The following TMPRSS6 variants were observed in gnomAD, a reference collection of about 807,000 sequenced individuals.
TMPRSS6 encodes transmembrane serine protease 6.
TMPRSS6 carries 67 observed loss-of-function variants against 101.5 expected under a neutral mutation model. The ratio of observed to expected loss-of-function variants is 0.66; its 90% CI spans 0.54 to 0.81. The LOEUF is 0.81. Among genes scored for constraint, TMPRSS6 ranks in the 30% least tolerant of loss-of-function variants. TMPRSS6 has a pLI of 0.00. For missense variants in TMPRSS6, 1,034 were observed against 1,088.7 expected, an observed-to-expected ratio of 0.95 and a Z score of 0.71; for synonymous variants, 453 against 464.9, an observed-to-expected ratio of 0.97 and a Z score of 0.33.
At position 37,108,092 on chromosome 22, in the gene TMPRSS6, C is replaced by T. The variant is rs138248989; in HGVS notation, c.-2+1411G>A. 1.9e-3 allele frequency among the ~76,000 whole-genome samples: 287 copies of T among 152,290 alleles called. 1 individual carries two copies. Among genetic ancestry groups the T allele is most frequent in the South Asian group, 0.011 (55 of 4,822 alleles). ...TTTTCCCACCCTCTCTTTTCCCCGT[C>T]GCACCCCAAGGACACTGGACTTCCA... is the stretch of plus-strand genomic sequence containing the variant. On this transcript the variant is annotated intron_variant, in intron 1 of 17. Transcript: ENST00000676104.
intron 10 of TMPRSS6, among the ~76,000 whole-genome samples, chr22:37,078,973 A>AAAAGAAAGAAAGGAAAG (rs1928007494): frequency 9.4e-6 from 1 of 106,510 alleles, no homozygotes; most frequent in Non-Finnish European, 1.9e-5. Flanking sequence ...GAAAGAAAGA[A>AAAAGAAAGAAAGGAAAG]AAAGAAAGAA....
Position 37,084,595 on chromosome 22 carries a change from G to A in TMPRSS6, c.1086+132C>T, listed in dbSNP as rs61701126. On this transcript the variant is annotated intron_variant, in intron 9 of 17. Transcript: ENST00000676104. ...CCCACAGCCCTCTCCACCCTGGCAG[G>A]ATGTGTACCCAGGGCTCAGCCTGTG... 2,409 of 869,986 alleles carry A rather than the reference G, an allele frequency of 2.8e-3. 23 individuals carry two copies. The African/African-American group carries it at 0.035, about 13-fold the overall frequency. The allele number at this position is 869,986 out of a possible 1,614,324, so 53.9% of individuals were successfully genotyped here.
chr22:37,069,358 G>A lies in TMPRSS6; in HGVS notation c.1842-14C>T, dbSNP rs1926671151. 20 of 1,485,186 alleles carry A rather than the reference G, an allele frequency of 1.3e-5. No individual in the cohort carries two copies. The highest frequency in any genetic ancestry group is 1.6e-5 in the Non-Finnish European group (18 of 1,099,728). 92.0% of individuals were successfully genotyped at this position (1,485,186 alleles called of 1,614,324 possible). A position where few individuals can be genotyped will look rare whatever the true frequency, so the allele number is the denominator to read the frequency against. Reference sequence around the variant, plus strand: ...GTGGAGGCCATGCTGGGGTGGGGTGGGGTGGGGTGGGGTGGGGTGAGGTGA... The same window carrying A: ...GTGGAGGCCATGCTGGGGTGGGGTGAGGTGGGGTGGGGTGGGGTGAGGTGA... On this transcript the variant is annotated splice_polypyrimidine_tract_variant and intron_variant, in intron 15 of 17. Coordinates refer to ENST00000676104, the MANE Select transcript of TMPRSS6 (RefSeq NM_001374504.1). This position sits in a 1 kb window ranked among gnomAD's most constrained non-coding sequence, Gnocchi z 4.8.
At position 37,075,057 on chromosome 22, in the gene TMPRSS6, C is replaced by T. The variant is rs1013460528; in HGVS notation, c.1342+78G>A. On this transcript the variant is annotated intron_variant, in intron 11 of 17. Coordinates refer to ENST00000676104, the MANE Select transcript of TMPRSS6 (RefSeq NM_001374504.1). The stretch of plus-strand genomic sequence containing the variant: ...GTTCAGCCTCATAAGCAGCTGCCCA[C>T]AGCCCCCTTGGTGGTTCCAGGGATG... The T allele has an allele frequency of 3.7e-5, 59 of 1,606,188 alleles. 1 individual carries two copies. In the South Asian group the frequency reaches 6.4e-4, roughly 17 times the overall value.
In TMPRSS6 at chr22:37,069,201, AG is replaced by A. The variant is rs1273959278; in HGVS notation, c.1984del (p.Leu662CysfsTer57). 1 of 1,603,906 alleles carries A rather than the reference AG, an allele frequency of 6.2e-7. No homozygotes were observed. Among genetic ancestry groups the A allele is most frequent in the Non-Finnish European group, 8.5e-7 (1 of 1,176,162 alleles). ...CACCACCGGGTGGTCGAGCTGCAGC[AG>A]CGCCACGTCGTAGTCATGGCTGTCC... ...EEDSHDYDVALLQLDHPVVRS... is the reference protein window; with the variant it reads ...EEDSHDYDVAXLQLDHPVVRS... On this transcript the variant is annotated frameshift_variant, in exon 16 of 18. Transcript: ENST00000676104. LOFTEE classifies it high-confidence loss of function. The surrounding 1 kb of genome is among the most constrained non-coding windows in gnomAD (Gnocchi z 4.8).
At chr22:37,109,337 A>G (rs900786925) in intron 1 of TMPRSS6, 166 bp downstream of exon 1, 5 of 152,414 alleles carry the variant, frequency 3.3e-5, no homozygotes, top group Non-Finnish European at 5.9e-5. Context: ...TGGGCCCCTC[A>G]CCTTCTGCTC....
chr22:37,084,527 C>T, intron 9 of TMPRSS6, 123 bp from the exon 10 acceptor site: 1 of 856,572 alleles, frequency 1.2e-6, no homozygotes, highest in Non-Finnish European at 1.9e-6. Flanking sequence ...CTGTCAGTCA[C>T]TCAACAAACA....
At position 37,066,069 on chromosome 22, in the gene TMPRSS6, G is replaced by A; in HGVS notation, c.*11C>T. On this transcript the variant is annotated 3_prime_UTR_variant, in exon 18 of 18. Transcript: ENST00000676104. ...CAGGAGGTGGGCCCTGCTTTGCAGG[G>A]GGGCAGTTCCTCAGGTCACCACTTG... is the stretch of plus-strand genomic sequence containing the variant. The A allele has an allele frequency of 1.2e-6, 2 of 1,613,512 alleles. No homozygotes were observed. The highest frequency in any genetic ancestry group is 1.7e-6 in the Non-Finnish European group (2 of 1,179,996).
intron 14 of TMPRSS6, 40 bp downstream of exon 14, chr22:37,070,876 C>A: frequency 1.3e-6 from 2 of 1,592,994 alleles, no homozygotes; most frequent in Non-Finnish European, 1.7e-6. Flanking sequence ...CACCCCCTCC[C>A]TCCCAAGCTC....
upstream of TMPRSS6, among the ~76,000 whole-genome samples, chr22:37,110,260 C>T (rs1370362327): frequency 1.3e-5 from 2 of 151,166 alleles, no homozygotes; most frequent in African/African-American, 2.4e-5. Flanking sequence ...TCTCCTGCCT[C>T]AGCCTCCCAG....
chr22:37,066,249 GA>G lies in TMPRSS6; in HGVS notation c.2251-12del, dbSNP rs1926275118. 6.2e-7 allele frequency: 1 copy of G among 1,604,138 alleles called. No homozygotes were observed. The highest frequency in any genetic ancestry group is 1.3e-5 in the African/African-American group (1 of 74,696). Reference sequence around the variant, plus strand: ...ACCACCTGAGTCACCCTGAAAGGGGGAAAGGAGAAAGGACTGAAGCAGGGTA... The same window carrying G: ...ACCACCTGAGTCACCCTGAAAGGGGGAAGGAGAAAGGACTGAAGCAGGGTA... On this transcript the variant is annotated splice_polypyrimidine_tract_variant and intron_variant, in intron 17 of 17. Coordinates refer to ENST00000676104, the MANE Select transcript of TMPRSS6 (RefSeq NM_001374504.1).
chr22:37,095,427 G>T, intron 6 of TMPRSS6, 124 bp downstream of exon 6: 1 of 1,217,954 alleles, frequency 8.2e-7, no homozygotes, highest in South Asian at 1.3e-5. Context: ...GCATCCCCTG[G>T]GTGACTCTTG....
At chr22:37,067,885 C>T (rs1441875608) in intron 16 of TMPRSS6, among the ~76,000 whole-genome samples, 5 of 152,344 alleles carry the variant, frequency 3.3e-5, no homozygotes, top group East Asian at 1.9e-4. Context: ...GGTTGCTCCT[C>T]GCCCAGGCAC....
intron 6 of TMPRSS6, among the ~76,000 whole-genome samples, chr22:37,090,531 A>AC (rs200323789): frequency 0.014 from 2,198 of 152,304 alleles, 66 homozygotes; most frequent in African/African-American, 0.05. Flanking sequence ...TCAGAATAAA[A>AC]CAGGTGCTTA....
At chr22:37,098,119 C>T (rs937665522) in intron 3 of TMPRSS6, among the ~76,000 whole-genome samples, 14 of 151,140 alleles carry the variant, frequency 9.3e-5, no homozygotes, top group Non-Finnish European at 2.1e-4. Context: ...CGTCCTGTAA[C>T]GGAGGGGCAG....
chr22:37,094,633 A>T (rs114798420), intron 6 of TMPRSS6, among the ~76,000 whole-genome samples: 2,353 of 152,282 alleles, frequency 0.015, 76 homozygotes, highest in African/African-American at 0.053. Context: ...CAGCCAAATA[A>T]ATATTTGACA....
intron 7 of TMPRSS6, 34 bp downstream of exon 7, chr22:37,089,544 G>GGCCAACCAA: frequency 3.0e-6 from 4 of 1,348,854 alleles, no homozygotes; most frequent in Non-Finnish European, 4.2e-6. Context: ...CCCTTTTCCA[G>GGCCAACCAA]CCCTCCCTCC....
chr22:37,088,707 C>T (rs1410334364), intron 7 of TMPRSS6, among the ~76,000 whole-genome samples: 1 of 152,192 alleles, frequency 6.6e-6, no homozygotes, highest in Non-Finnish European at 1.5e-5. Flanking sequence ...CAATAGCTCC[C>T]CACTTACCAA....
chr22:37,079,489 G>A (rs1319431994), intron 10 of TMPRSS6, among the ~76,000 whole-genome samples: 1 of 152,142 alleles, frequency 6.6e-6, no homozygotes, highest in East Asian at 1.9e-4. Context: ...GTGCGTGGGT[G>A]GATGAATGCA....
Sources: gnomAD v4.1 joint callset for allele counts (sites outside exome capture counted in the v4.1 genomes callset) on GRCh38, gnomAD v4.1.1 for gene constraint, Gnocchi (gnomAD v3.1) non-coding constraint, MANE v1.5 for transcripts, NCBI Gene and HGNC (gene_info 2026-07-23, HGNC 2026-07-21) for gene names.